SUCLG2: variants seen among roughly 807,000 people sequenced by gnomAD.
SUCLG2 encodes succinate--CoA ligase [GDP-forming] subunit beta, mitochondrial.
Under a neutral mutation model 47.9 loss-of-function variants are expected in SUCLG2, and 42 were observed. The observed-to-expected ratio is 0.88, with a 90% CI of 0.69 to 1.14. The LOEUF (loss-of-function observed/expected upper bound fraction) is 1.14. SUCLG2 is among the 50% of genes most tolerant of loss of function. SUCLG2 has a pLI of 0.00. For missense variants in SUCLG2, 571 were observed against 525.9 expected, an observed-to-expected ratio of 1.09 and a Z score of -0.84; for synonymous variants, 195 against 197.3, an observed-to-expected ratio of 0.99 and a Z score of 0.10.
Position 67,547,572 on chromosome 3 carries a change from CAT to C in SUCLG2, c.227-18388_227-18387del, listed in dbSNP as rs1706899379. On this transcript the variant is annotated intron_variant, in intron 2 of 10. Transcript: ENST00000307227. ...CCCAGCAGGAGGTGGAACAGTCTGT[CAT>C]AATGCATAAACATGATTTGACTGTG... 2.0e-5 allele frequency among the ~76,000 whole-genome samples: 3 copies of C among 152,264 alleles called. No individual in the cohort carries two copies. The South Asian group carries it at 6.2e-4, about 32-fold the overall frequency.
At chr3:67,486,467 C>T (rs561247714) in intron 9 of SUCLG2, among the ~76,000 whole-genome samples, 37 of 152,288 alleles carry the variant, frequency 2.4e-4, no homozygotes, top group Middle Eastern at 3.4e-3. Context: ...TTGTTCTTAG[C>T]GGAAAAACAC....
chr3:67,568,615 C>T (rs1353675983), intron 2 of SUCLG2, among the ~76,000 whole-genome samples: 1 of 152,126 alleles, frequency 6.6e-6, no homozygotes, highest in Admixed American at 6.5e-5. Context: ...GAGCCGGGCG[C>T]GGTGGCTCAC....
At position 67,403,995 on chromosome 3, in the gene SUCLG2, C is replaced by G. The variant is rs564220434; in HGVS notation, c.1063-3144G>C. The stretch of plus-strand genomic sequence containing the variant: ...CCGCCTCCTGGGTTCAAGTGGTTCT[C>G]ATACCTCAGCCTCCTGAGTAGCTGG... On this transcript the variant is annotated intron_variant, in intron 9 of 10. Coordinates refer to ENST00000307227, the MANE Select transcript of SUCLG2 (RefSeq NM_003848.4). Among the ~76,000 whole-genome samples, 66 of 152,310 alleles carry G rather than the reference C, an allele frequency of 4.3e-4. 1 individual carries two copies. Among genetic ancestry groups the G allele is most frequent in the African/African-American group, 1.5e-3 (63 of 41,568 alleles).
intron 9 of SUCLG2, among the ~76,000 whole-genome samples, chr3:67,444,048 C>A (rs1466352396): frequency 1.7e-5 from 2 of 117,134 alleles, no homozygotes; most frequent in African/African-American, 5.8e-5. Context: ...CCGCCCCGTC[C>A]GGGAGGGAGG....
intron 1 of SUCLG2, among the ~76,000 whole-genome samples, chr3:67,637,002 T>C (rs935939840): frequency 2.6e-5 from 4 of 151,842 alleles, no homozygotes; most frequent in African/African-American, 9.7e-5. Flanking sequence ...ACATCAATAA[T>C]CACTCAGAAC....
At chr3:67,383,850 A>G (rs922142493) in intron 10 of SUCLG2, among the ~76,000 whole-genome samples, 2 of 152,116 alleles carry the variant, frequency 1.3e-5, no homozygotes, top group African/African-American at 2.4e-5. Context: ...AACACCTTAC[A>G]CTTCTGTGCT....
At chr3:67,480,366 G>A (rs1458816208) in intron 9 of SUCLG2, among the ~76,000 whole-genome samples, 1 of 152,162 alleles carries the variant, frequency 6.6e-6, no homozygotes, top group Non-Finnish European at 1.5e-5. Context: ...CTCAGATTCC[G>A]GGGCCTCATC....
At chr3:67,563,672 C>T (rs985835244) in intron 2 of SUCLG2, among the ~76,000 whole-genome samples, 2 of 151,950 alleles carry the variant, frequency 1.3e-5, no homozygotes, top group Non-Finnish European at 2.9e-5. Context: ...AGAAGTACTA[C>T]TAGTTGGCCG....
At chr3:67,503,397 A>T (rs1269447268) in intron 7 of SUCLG2, among the ~76,000 whole-genome samples, 3 of 152,246 alleles carry the variant, frequency 2.0e-5, no homozygotes, top group African/African-American at 7.2e-5. Context: ...CTGGAATACT[A>T]ACTGACTCTT....
intron 9 of SUCLG2, among the ~76,000 whole-genome samples, chr3:67,403,997 T>C (rs937549353): frequency 1.3e-5 from 2 of 152,204 alleles, no homozygotes; most frequent in African/African-American, 4.8e-5. Flanking sequence ...GTGGTTCTCA[T>C]ACCTCAGCCT....
intron 1 of SUCLG2, among the ~76,000 whole-genome samples, chr3:67,654,012 G>C (rs1011519046): frequency 6.6e-6 from 1 of 152,240 alleles, no homozygotes; most frequent in Non-Finnish European, 1.5e-5. Context: ...GTCTGCAAAA[G>C]CAGGTAGCCT....
chr3:67,651,479 T>G (rs1701284151), intron 1 of SUCLG2, among the ~76,000 whole-genome samples: 1 of 152,198 alleles, frequency 6.6e-6, no homozygotes. Context: ...AAAGGCCATC[T>G]CCAGGATCAC....
At chr3:67,557,081 T>C (rs1037831257) in intron 2 of SUCLG2, among the ~76,000 whole-genome samples, 3 of 152,198 alleles carry the variant, frequency 2.0e-5, no homozygotes, top group Non-Finnish European at 4.4e-5. Flanking sequence ...GTCTGGTCAA[T>C]GAATCTCCCA....
At chr3:67,611,596 T>C (rs1341378741) in intron 1 of SUCLG2, among the ~76,000 whole-genome samples, 1 of 152,040 alleles carries the variant, frequency 6.6e-6, no homozygotes, top group African/African-American at 2.4e-5. Context: ...AAAAGGCAAA[T>C]AGGAACAATC....
At chr3:67,654,322 G>T (rs1227233971) in intron 1 of SUCLG2, among the ~76,000 whole-genome samples, 181 bp downstream of exon 1, 1 of 152,172 alleles carries the variant, frequency 6.6e-6, no homozygotes, top group Non-Finnish European at 1.5e-5. Context: ...CGCCGCCCCT[G>T]CCCCACACTG....
At chr3:67,561,686 C>T (rs1380474448) in intron 2 of SUCLG2, among the ~76,000 whole-genome samples, 1 of 152,174 alleles carries the variant, frequency 6.6e-6, no homozygotes, top group Non-Finnish European at 1.5e-5. Flanking sequence ...CTACTCTATT[C>T]CCATCCCTTC....
At chr3:67,479,824 T>C (rs1174700975) in intron 9 of SUCLG2, among the ~76,000 whole-genome samples, 1 of 152,198 alleles carries the variant, frequency 6.6e-6, no homozygotes, top group African/African-American at 2.4e-5. Context: ...TAGTCTACTT[T>C]TGGAGAGAAG....
At chr3:67,642,448 T>A (rs72917919) in intron 1 of SUCLG2, among the ~76,000 whole-genome samples, 2,098 of 146,084 alleles carry the variant, frequency 0.014, 45 homozygotes, top group African/African-American at 0.048. Context: ...CTACAAAATT[T>A]AAAAAAAAAA....
Position 67,375,113 on chromosome 3 carries a change from A to C in SUCLG2, c.*631T>G. 2.0e-6 allele frequency: 2 copies of C among 985,720 alleles called. No individual in the cohort carries two copies. The highest frequency in any genetic ancestry group is 2.4e-6 in the Non-Finnish European group (2 of 829,840). The allele number at this position is 985,720 out of a possible 1,614,324, so 61.1% of individuals were successfully genotyped here. On this transcript the variant is annotated 3_prime_UTR_variant, in exon 11 of 11. Coordinates refer to ENST00000307227, the MANE Select transcript of SUCLG2 (RefSeq NM_003848.4). ...AAACAGTATATTCAATATTAAGGCAAATGGTAAAAACACATGGATGGTATA... is the reference window on the plus strand; with the variant it reads ...AAACAGTATATTCAATATTAAGGCACATGGTAAAAACACATGGATGGTATA...
Sources: gnomAD v4.1 joint callset for allele counts (sites outside exome capture counted in the v4.1 genomes callset) on GRCh38, gnomAD v4.1.1 for gene constraint, MANE v1.5 for transcripts, NCBI Gene and HGNC (gene_info 2026-07-23, HGNC 2026-07-21) for gene names.